NCKAP5: variants seen among roughly 807,000 people sequenced by gnomAD.
NCKAP5 encodes NCK associated protein 5, also known as nck-associated protein 5.
NCKAP5 carries 92 observed loss-of-function variants against 167.0 expected under a neutral mutation model. That is an observed-to-expected ratio of 0.55 (90% CI 0.47 to 0.66). The LOEUF is 0.66. NCKAP5 is among the 30% of genes least tolerant of loss of function. The pLI is 0.00. For synonymous variants in NCKAP5, 891 were observed against 877.4 expected (o/e 1.02, Z -0.27); for missense variants, 2,378 against 2,315.0 (o/e 1.03, Z -0.56).
chr2:133,206,647 C>T (rs2085965879), intron 5 of NCKAP5, among the ~76,000 whole-genome samples: 1 of 152,056 alleles, frequency 6.6e-6, no homozygotes, highest in South Asian at 2.1e-4. Context: ...AAATCAGTGC[C>T]CCCTGAAAAG....
At chr2:133,383,886 T>A (rs1037487403) in intron 3 of NCKAP5, among the ~76,000 whole-genome samples, 2 of 152,248 alleles carry the variant, frequency 1.3e-5, no homozygotes, top group African/African-American at 4.8e-5. Flanking sequence ...TCTGTTCATA[T>A]CCTTCGCCCA....
Position 132,785,712 on chromosome 2 carries a change from A to G in NCKAP5, c.1099T>C (p.Ser367Pro), listed in dbSNP as rs1481451209. 3.4e-6 allele frequency: 5 copies of G among 1,487,774 alleles called. No homozygotes were observed. The highest frequency in any genetic ancestry group is 1.5e-5 in the South Asian group (1 of 68,076). The allele number at this position is 1,487,774 out of a possible 1,614,324, so 92.2% of individuals were successfully genotyped here. Residue 367 changes from serine (S) to proline (P), a missense_variant, in exon 14 of 20, where the codon TCA becomes CCA. By Grantham distance (74) the Ser-to-Pro change is moderately conservative (BLOSUM62 -1). Transcript: ENST00000409261. ...DGKNLRKRQS[S>P]QNWDKRLSID... ...CTTAGCCTTTTATCCCAGTTTTGTGATGATTGCTAGGAAAGAAAAGTAGAC... is the reference window on the plus strand; with the variant it reads ...CTTAGCCTTTTATCCCAGTTTTGTGGTGATTGCTAGGAAAGAAAAGTAGAC...
chr2:133,045,386 T>TCC (rs2079361754), intron 6 of NCKAP5, among the ~76,000 whole-genome samples: 2 of 151,800 alleles, frequency 1.3e-5, no homozygotes, highest in African/African-American at 4.8e-5. Flanking sequence ...TATCTATCTA[T>TCC]ATATATATAC....
chr2:133,165,398 T>C (rs1574243328), intron 5 of NCKAP5, among the ~76,000 whole-genome samples: 2 of 152,248 alleles, frequency 1.3e-5, no homozygotes, highest in East Asian at 3.9e-4. Flanking sequence ...TTTAAGAAAA[T>C]CTTTTAAAAG....
chr2:133,670,046 G>A, the NCKAP5 span, among the ~76,000 whole-genome samples: 146 of 152,276 alleles, frequency 9.6e-4, 1 homozygote, highest in African/African-American at 3.4e-3. Context: ...TTGTATGTGG[G>A]ATTATAATTG....
intron 3 of NCKAP5, among the ~76,000 whole-genome samples, chr2:133,412,512 G>C (rs1407167704): frequency 6.6e-6 from 1 of 152,098 alleles, no homozygotes; most frequent in Non-Finnish European, 1.5e-5. Context: ...GACTCACAAG[G>C]CTCAGGTCTC....
At chr2:133,309,078 AAAG>A (rs1485724743) in intron 3 of NCKAP5, among the ~76,000 whole-genome samples, 1 of 152,154 alleles carries the variant, frequency 6.6e-6, no homozygotes, top group Non-Finnish European at 1.5e-5. Context: ...ATGCTAAGTG[AAAG>A]AAGGATAAAA....
intron 3 of NCKAP5, among the ~76,000 whole-genome samples, chr2:133,481,464 A>G (rs1022146935): frequency 3.3e-5 from 5 of 152,316 alleles, no homozygotes; most frequent in Non-Finnish European, 2.9e-5. Flanking sequence ...TAAGTTCAGT[A>G]TACAGGTTTG....
chr2:132,735,129 A>G (rs1691388672), intron 16 of NCKAP5, among the ~76,000 whole-genome samples: 1 of 151,632 alleles, frequency 6.6e-6, no homozygotes. Flanking sequence ...ATGCCTAGCA[A>G]CTCTTCCTTC....
At chr2:132,788,165 A>G (rs59598008) in intron 13 of NCKAP5, among the ~76,000 whole-genome samples, 2,552 of 152,180 alleles carry the variant, frequency 0.017, 67 homozygotes, top group African/African-American at 0.059. Flanking sequence ...GATGGTGGGG[A>G]GGAGCTGGCA....
the NCKAP5 span, among the ~76,000 whole-genome samples, chr2:133,604,705 T>C: frequency 1.3e-5 from 2 of 152,162 alleles, no homozygotes; most frequent in Non-Finnish European, 2.9e-5. Context: ...TTTCTCTCTC[T>C]GCAAGATGGG....
At chr2:133,062,663 G>C (rs1264607962) in intron 6 of NCKAP5, among the ~76,000 whole-genome samples, 1 of 152,154 alleles carries the variant, frequency 6.6e-6, no homozygotes, top group Non-Finnish European at 1.5e-5. Context: ...CCTGCTATAA[G>C]TTTAATAGCA....
intron 7 of NCKAP5, among the ~76,000 whole-genome samples, chr2:132,988,987 C>G (rs544877841): frequency 6.6e-6 from 1 of 152,124 alleles, no homozygotes; most frequent in Non-Finnish European, 1.5e-5. Context: ...GGGTCCTTTT[C>G]CCCCCAGTTA....
chr2:133,134,980 G>A (rs2117307), intron 5 of NCKAP5, among the ~76,000 whole-genome samples: 14,617 of 150,136 alleles, frequency 0.097, 978 homozygotes, highest in East Asian at 0.39. Flanking sequence ...GCCCACAAAT[G>A]TTTACTGAGT....
At chr2:133,155,866 C>T (rs966361612) in intron 5 of NCKAP5, among the ~76,000 whole-genome samples, 2 of 152,222 alleles carry the variant, frequency 1.3e-5, no homozygotes, top group African/African-American at 4.8e-5. Context: ...CAAGCCTCTG[C>T]AATCATGTGA....
chr2:133,623,467 A>C, the NCKAP5 span, among the ~76,000 whole-genome samples: 1 of 152,232 alleles, frequency 6.6e-6, no homozygotes, highest in Admixed American at 6.5e-5. Context: ...AAATCAAACA[A>C]TCCCATCAAA....
At chr2:132,750,310 TA>T (rs1680006169) in intron 16 of NCKAP5, among the ~76,000 whole-genome samples, 1 of 152,138 alleles carries the variant, frequency 6.6e-6, no homozygotes, top group African/African-American at 2.4e-5. Context: ...GGCCAATATA[TA>T]AAAATTCAAA....
At chr2:133,036,655 G>C (rs1279384746) in intron 6 of NCKAP5, among the ~76,000 whole-genome samples, 7 of 151,982 alleles carry the variant, frequency 4.6e-5, no homozygotes, top group Admixed American at 4.6e-4. Context: ...ACTAGGGATA[G>C]AAGGAACATA....
Position 132,785,120 on chromosome 2 carries a change from C to T in NCKAP5, c.1691G>A (p.Gly564Asp). The change falls in exon 14 of 20, where the codon GGC becomes GAC. Residue 564 changes from glycine (G) to aspartate (D), a missense_variant. Coordinates refer to ENST00000409261, the MANE Select transcript of NCKAP5 (RefSeq NM_207363.3). The part of the protein sequence containing the change: ...VQTPQVQRER[G>D]PQGQGHGRMA... Reference sequence around the variant, plus strand: ...GCGGCCATGGCCTTGGCCCTGTGGGCCCCTCTCCCTCTGTACCTGAGGCGT... The same window carrying T: ...GCGGCCATGGCCTTGGCCCTGTGGGTCCCTCTCCCTCTGTACCTGAGGCGT... 1 of 1,613,672 alleles carries T rather than the reference C, an allele frequency of 6.2e-7. No homozygotes were observed.
Sources: gnomAD v4.1 joint callset for allele counts (sites outside exome capture counted in the v4.1 genomes callset) on GRCh38, gnomAD v4.1.1 for gene constraint, MANE v1.5 for transcripts, NCBI Gene and HGNC (gene_info 2026-07-23, HGNC 2026-07-21) for gene names.